Variants in POLRMT observed in about 807,000 individuals in gnomAD.
POLRMT encodes the protein RNA polymerase mitochondrial.
In POLRMT, 114 loss-of-function variants were observed where a neutral mutation model predicts 132.2. That is an observed-to-expected ratio of 0.86 (90% CI 0.74 to 1.01). The LOEUF (loss-of-function observed/expected upper bound fraction) is 1.01. POLRMT is among the 50% of genes least tolerant of loss of function. POLRMT has a pLI of 0.00. For missense variants in POLRMT, 2,003 were observed against 1,729.1 expected, an observed-to-expected ratio of 1.16 and a Z score of -2.81; for synonymous variants, 1,020 against 773.4, an observed-to-expected ratio of 1.32 and a Z score of -5.29.
At position 621,458 on chromosome 19, in the gene POLRMT, G is replaced by C. The variant is rs1053936200; in HGVS notation, c.2240C>G (p.Pro747Arg). The change falls in exon 10 of 21, where the codon CCG becomes CGG. Residue 747 changes from proline to arginine, a missense_variant. Coordinates refer to ENST00000588649, the MANE Select transcript of POLRMT (RefSeq NM_005035.4). Reference sequence around the variant, plus strand: ...CTTGCGGGCGGGCGCGGCGCTGTGCGGCAGGTGGGCCTCGGGCGGCTGGGG... The same window carrying C: ...CTTGCGGGCGGGCGCGGCGCTGTGCCGCAGGTGGGCCTCGGGCGGCTGGGG... ...EAPQPPEAHL[P>R]HSAAPARKAE... The C allele has an allele frequency of 1.4e-5, 20 of 1,384,580 alleles. No homozygotes were observed. Among genetic ancestry groups the C allele is most frequent in the Admixed American group, 3.6e-5 (1 of 27,684 alleles). 85.8% of individuals were successfully genotyped at this position (1,384,580 alleles called of 1,614,324 possible).
chr19:620,298 C>T (rs899654646), intron 11 of POLRMT, 67 bp downstream of exon 11: 47 of 1,482,448 alleles, frequency 3.2e-5, no homozygotes, highest in Admixed American at 9.4e-5. Flanking sequence ...AAATCTCACA[C>T]CCTCAAGTCG....
At chr19:631,590 G>A (rs1368173679) in intron 2 of POLRMT, among the ~76,000 whole-genome samples, 3 of 152,080 alleles carry the variant, frequency 2.0e-5, no homozygotes, top group South Asian at 2.1e-4. Flanking sequence ...AGTGAGCCAA[G>A]ATCGCACCAT....
At chr19:618,367 C>T in intron 17 of POLRMT, 121 bp downstream of exon 17, 3 of 757,930 alleles carry the variant, frequency 4.0e-6, no homozygotes, top group Non-Finnish European at 6.3e-6. Flanking sequence ...CCCACAGACA[C>T]AGCAGATCCA....
At chr19:623,075 A>C in intron 6 of POLRMT, 90 bp from the exon 7 acceptor site, 2 of 1,443,068 alleles carry the variant, frequency 1.4e-6, no homozygotes, top group East Asian at 2.4e-5. Flanking sequence ...CCCTGCAGAG[A>C]CCTCATGGCC....
chr19:625,537 T>C, intron 3 of POLRMT: 1 of 379,304 alleles, frequency 2.6e-6, no homozygotes, highest in Non-Finnish European at 4.7e-6. Flanking sequence ...TGTGGATCTT[T>C]TCAAAGGACT....
chr19:633,330 A>G, intron 1 of POLRMT, 95 bp downstream of exon 1: 1 of 1,345,232 alleles, frequency 7.4e-7, no homozygotes, highest in Non-Finnish European at 9.6e-7. Context: ...CCCAGGTGCA[A>G]AGAGGCAAAG....
chr19:631,020 G>C (rs967206757), intron 2 of POLRMT, among the ~76,000 whole-genome samples: 2 of 151,596 alleles, frequency 1.3e-5, no homozygotes, highest in African/African-American at 2.4e-5. Flanking sequence ...TTAGCTGGGC[G>C]TGGTGGCATG....
intron 9 of POLRMT, 78 bp downstream of exon 9, chr19:622,071 C>T (rs1450679903): frequency 1.5e-6 from 2 of 1,361,604 alleles, no homozygotes; most frequent in Non-Finnish European, 2.0e-6. Context: ...CAAGGCTCCG[C>T]CCAAAGGCGC....
In POLRMT at chr19:621,475, CGGCTGGGGCGCCTCGGAG is replaced by C. The variant is rs1456699240; in HGVS notation, c.2205_2222del (p.Ser736_Pro741del). On this transcript the variant is annotated inframe_deletion, in exon 10 of 21. Transcript: ENST00000588649. The stretch of plus-strand genomic sequence containing the variant: ...CGCTGTGCGGCAGGTGGGCCTCGGG[CGGCTGGGGCGCCTCGGAG>C]GGCGGGGCCGGCACGCCTAGCTGGG... 2 of 1,369,152 alleles carry C rather than the reference CGGCTGGGGCGCCTCGGAG, an allele frequency of 1.5e-6. No homozygotes were observed. The highest frequency in any genetic ancestry group is 3.1e-5 in the African/African-American group (2 of 64,776). 84.8% of individuals were successfully genotyped at this position (1,369,152 alleles called of 1,614,324 possible).
chr19:618,817 A>C, intron 15 of POLRMT, 57 bp from the exon 16 acceptor site: 1 of 1,530,632 alleles, frequency 6.5e-7, no homozygotes, highest in Non-Finnish European at 8.9e-7. Context: ...GTGGTGGTAC[A>C]TTGAGGTGGT....
intron 3 of POLRMT, among the ~76,000 whole-genome samples, chr19:629,332 C>T (rs148170112): frequency 1.3e-5 from 2 of 152,226 alleles, no homozygotes; most frequent in African/African-American, 4.8e-5. Flanking sequence ...ATGCTCAAGG[C>T]ATTAGCAGAA....
At chr19:622,789 C>T (rs769094925) in intron 7 of POLRMT, 32 bp downstream of exon 7, 15 of 1,570,908 alleles carry the variant, frequency 9.5e-6, no homozygotes, top group Non-Finnish European at 1.2e-5. Context: ...CCCGCCCCGC[C>T]CGGGGACCCG....
intron 9 of POLRMT, 95 bp from the exon 10 acceptor site, chr19:621,941 C>T: frequency 7.0e-7 from 1 of 1,422,804 alleles, no homozygotes; most frequent in Non-Finnish European, 9.4e-7. Flanking sequence ...GCTCCCCGGC[C>T]AACAAGAAAC....
At chr19:629,398 T>G in intron 3 of POLRMT, 142 bp downstream of exon 3, 1 of 951,778 alleles carries the variant, frequency 1.1e-6, no homozygotes, top group Non-Finnish European at 1.4e-6. Flanking sequence ...GTGATTTGTA[T>G]TTGAAAAGCC....
Position 620,787 on chromosome 19 carries a change from G to A in POLRMT, c.2640+271C>T, listed in dbSNP as rs374474143. Among the ~76,000 whole-genome samples, 1,156 of 127,834 alleles carry A rather than the reference G, an allele frequency of 9.0e-3. 32 individuals carry two copies. Among genetic ancestry groups the A allele is most frequent in the African/African-American group, 0.032 (1,038 of 32,716 alleles). 83.9% of individuals were successfully genotyped at this position (127,834 alleles called of 152,430 possible). A position where few individuals can be genotyped will look rare whatever the true frequency, so the allele number is the denominator to read the frequency against. Reference sequence around the variant, plus strand: ...GAAGCAGCTCGGCGGATGCAGGGGAGGGGGGAACGTGGGGAACGCGGGGGC... The same window carrying A: ...GAAGCAGCTCGGCGGATGCAGGGGAAGGGGGAACGTGGGGAACGCGGGGGC... On this transcript the variant is annotated intron_variant, in intron 10 of 20. Coordinates refer to ENST00000588649, the MANE Select transcript of POLRMT (RefSeq NM_005035.4).
Position 621,360 on chromosome 19 carries a change from G to A in POLRMT, c.2338C>T (p.Leu780=), listed in dbSNP as rs772344152. ...REMHSLRAEA[L]YRLSLAQHLR... ...TGCTGCGCCAGCGAGAGGCGGTACA[G>A]CGCCTCCGCCCGCAGGCTGTGCATC... The change falls in exon 10 of 21, where the codon CTG becomes TTG. Residue 780 remains leucine (L), a synonymous_variant. Transcript: ENST00000588649. 3.2e-6 allele frequency: 5 copies of A among 1,571,166 alleles called. No individual in the cohort carries two copies. The South Asian group carries it at 4.5e-5, about 14-fold the overall frequency.
Position 618,473 on chromosome 19 carries a change from T to C in POLRMT, c.3422+15A>G, listed in dbSNP as rs766290673. On this transcript the variant is annotated intron_variant, in intron 17 of 20. Transcript: ENST00000588649. Reference sequence around the variant, plus strand: ...TGGGAGGCGAGCGGCACCCACGCCGTCCGGAGACGCCCACCTGTAGCAGTG... The same window carrying C: ...TGGGAGGCGAGCGGCACCCACGCCGCCCGGAGACGCCCACCTGTAGCAGTG... The C allele has an allele frequency of 3.2e-6, 5 of 1,578,304 alleles. No individual in the cohort carries two copies. Among genetic ancestry groups the C allele is most frequent in the African/African-American group, 1.3e-5 (1 of 74,168 alleles).
chr19:618,624 G>A (rs1279106770), intron 16 of POLRMT, 38 bp from the exon 17 acceptor site: 21 of 1,599,408 alleles, frequency 1.3e-5, no homozygotes, highest in Admixed American at 5.1e-5. Context: ...GCGGCCCAGG[G>A]ACACCCCTAA....
Position 625,373 on chromosome 19 carries a change from A to G in POLRMT, c.823-119T>C, listed in dbSNP as rs541444529. On this transcript the variant is annotated intron_variant, in intron 3 of 20. Transcript: ENST00000588649. ...TCAGCAGGGGACAGGGTCACCAGGC[A>G]GGAGTGGCCAGCTGGGCAGACCGAT... 4.3e-6 allele frequency: 6 copies of G among 1,382,970 alleles called. No homozygotes were observed. The South Asian group carries it at 6.9e-5, about 16-fold the overall frequency. The allele number at this position is 1,382,970 out of a possible 1,614,324, so 85.7% of individuals were successfully genotyped here. A position where few individuals can be genotyped will look rare whatever the true frequency, so the allele number is the denominator to read the frequency against.
Sources: allele counts gnomAD v4.1 joint callset (sites outside exome capture counted in the v4.1 genomes callset), GRCh38; gene constraint gnomAD v4.1.1; transcripts MANE v1.5; gene names NCBI Gene and HGNC (gene_info 2026-07-23, HGNC 2026-07-21).